Variants in PLCD1 observed in about 807,000 individuals in gnomAD.
PLCD1 encodes 1-phosphatidylinositol 4,5-bisphosphate phosphodiesterase delta-1.
PLCD1 carries 71 observed loss-of-function variants against 87.4 expected under a neutral mutation model. The observed-to-expected ratio is 0.81, with a 90% confidence interval of 0.67 to 0.99. The LOEUF (loss-of-function observed/expected upper bound fraction) is 0.99, where lower values mean the gene tolerates loss of function less well. Among genes scored for constraint, PLCD1 ranks in the 50% least tolerant of loss-of-function variants. The pLI, the probability that PLCD1 is intolerant of heterozygous loss-of-function variation, is 0.00. For synonymous variants in PLCD1, 348 were observed against 399.2 expected (o/e 0.87, Z 1.53); for missense variants, 867 against 1,001.5 (o/e 0.87, Z 1.81).
At position 38,025,308 on chromosome 3, in the gene PLCD1, AC is replaced by A. The variant is rs1223003991; in HGVS notation, c.34+4197del. Among the ~76,000 whole-genome samples, 1 of 152,178 alleles carries A rather than the reference AC, an allele frequency of 6.6e-6. No individual in the cohort carries two copies. The highest frequency in any genetic ancestry group is 1.5e-5 in the Non-Finnish European group (1 of 68,030). ...AGCCGGAGCGGCGAATTCTAACGCC[AC>A]CTTTGAGGCTGGCGCAGAACCGAAG... On this transcript the variant is annotated intron_variant, in intron 1 of 14. Transcript: ENST00000334661. The surrounding 1 kb of genome is among the most constrained non-coding windows in gnomAD (Gnocchi z 4.0).
chr3:38,009,003 CCCT>C, intron 11 of PLCD1, 36 bp downstream of exon 11: 2 of 1,545,458 alleles, frequency 1.3e-6, no homozygotes, highest in Non-Finnish European at 1.8e-6. Context: ...GGGACTGAAA[CCCT>C]CCTCCAGGCC....
chr3:38,024,860 C>G (rs1700290155), intron 1 of PLCD1: 2 of 562,366 alleles, frequency 3.6e-6, no homozygotes, highest in Admixed American at 8.0e-5. Context: ...CTAACGACCC[C>G]TGGAGATGGG....
chr3:38,012,624 C>A (rs1369958675), intron 3 of PLCD1, among the ~76,000 whole-genome samples: 1 of 149,088 alleles, frequency 6.7e-6, no homozygotes, highest in Non-Finnish European at 1.5e-5. Flanking sequence ...TCAAGCAATT[C>A]TCCTGCCCTA....
intron 1 of PLCD1, chr3:38,024,705 C>T (rs539854611): frequency 1.1e-5 from 16 of 1,473,622 alleles, no homozygotes; most frequent in Non-Finnish European, 1.4e-5. Flanking sequence ...GGACCTATGC[C>T]CCCTGAAGGT....
rs1575343565 is a variant in PLCD1 at position 38,007,538 on chromosome 3, T to C, written c.*235A>G. 1.5e-5 allele frequency: 10 copies of C among 675,550 alleles called. No homozygotes were observed. The East Asian group carries it at 2.8e-4, about 19-fold the overall frequency. The allele number at this position is 675,550 out of a possible 1,614,324, so 41.8% of individuals were successfully genotyped here. On this transcript the variant is annotated 3_prime_UTR_variant, in exon 15 of 15. Transcript: ENST00000334661. The stretch of plus-strand genomic sequence containing the variant: ...TTTATAAAAATCCTTGACCACTCGC[T>C]GGCCGGAGGGTGGAGAGGGCTGCAG...
chr3:38,024,492 T>C (rs761842127), intron 1 of PLCD1: 2 of 1,562,476 alleles, frequency 1.3e-6, no homozygotes, highest in Non-Finnish European at 1.7e-6. Context: ...CCGCCTCCAG[T>C]GTTTTATGCT....
At chr3:38,027,484 A>G (rs905123708) in intron 1 of PLCD1, among the ~76,000 whole-genome samples, 2 of 152,262 alleles carry the variant, frequency 1.3e-5, no homozygotes, top group Non-Finnish European at 2.9e-5. Flanking sequence ...TGAGAAAGCC[A>G]AGACTTGAAC....
chr3:38,008,687 A>G (rs767010179), intron 11 of PLCD1, 51 bp from the exon 12 acceptor site: 1 of 1,536,296 alleles, frequency 6.5e-7, no homozygotes, highest in Non-Finnish European at 9.0e-7. Flanking sequence ...CTGGGGCCCT[A>G]GAGCACAGCC....
rs1232577819 is a variant in PLCD1, at chr3:38,016,621, C to T, written c.298G>A (p.Val100Ile). 16 of 1,613,094 alleles carry T rather than the reference C, an allele frequency of 9.9e-6. No individual in the cohort carries two copies. Among genetic ancestry groups the T allele is most frequent in the Non-Finnish European group, 1.4e-5 (16 of 1,179,542 alleles). ...AGTGTATTGCGCTGGTCCTTGAAGA[C>T]AATGGAGAAGCAGCGGTCCTCGGGC... ...DVPEDRCFSI[V>I]FKDQRNTLDL... The change falls in exon 3 of 15, where the codon GTC becomes ATC. Residue 100 changes from valine to isoleucine, a missense_variant. By Grantham distance (29) the Val-to-Ile change is conservative (BLOSUM62 3). Coordinates refer to ENST00000334661, the MANE Select transcript of PLCD1 (RefSeq NM_006225.4).
chr3:38,026,665 A>G (rs1700312990), intron 1 of PLCD1, among the ~76,000 whole-genome samples: 1 of 152,250 alleles, frequency 6.6e-6, no homozygotes, highest in Non-Finnish European at 1.5e-5. Flanking sequence ...CTGGAAGCCC[A>G]GGGGCAGACT....
At chr3:38,024,525 C>CG (rs1353544633) in intron 1 of PLCD1, 6 of 1,521,668 alleles carry the variant, frequency 3.9e-6, no homozygotes, top group Admixed American at 2.0e-5. Context: ...TGCTCTGGTC[C>CG]GGGGGGCGGA....
At chr3:38,012,396 G>A (rs769752352) in intron 3 of PLCD1, among the ~76,000 whole-genome samples, 24 of 151,986 alleles carry the variant, frequency 1.6e-4, no homozygotes, top group African/African-American at 5.3e-4. Context: ...CACGAATCTC[G>A]TGCTTGGCTG....
intron 3 of PLCD1, 25 bp downstream of exon 3, chr3:38,016,466 G>A (rs1484475953): frequency 6.6e-7 from 1 of 1,519,030 alleles, no homozygotes; most frequent in Admixed American, 1.7e-5. Flanking sequence ...AGCCAGGCCT[G>A]GACCCACTGC....
At chr3:38,015,789 G>A (rs1023988207) in intron 3 of PLCD1, among the ~76,000 whole-genome samples, 8 of 152,190 alleles carry the variant, frequency 5.3e-5, no homozygotes, top group Non-Finnish European at 1.0e-4. Flanking sequence ...CCCAAAGAAT[G>A]GCACAGGAGG....
In PLCD1 at chr3:38,020,174, C is replaced by G; in HGVS notation, c.199+14G>C. On this transcript the variant is annotated intron_variant, in intron 2 of 14. Coordinates refer to ENST00000334661, the MANE Select transcript of PLCD1 (RefSeq NM_006225.4). The stretch of plus-strand genomic sequence containing the variant: ...CACACTCTATCCCCTCCCCTGTGAC[C>G]CCAGGGCACTCACACAGCTGGGACT... 2 of 1,611,248 alleles carry G rather than the reference C, an allele frequency of 1.2e-6. No individual in the cohort carries two copies. Among genetic ancestry groups the G allele is most frequent in the Non-Finnish European group, 1.7e-6 (2 of 1,177,756 alleles).
chr3:38,009,479 G>A (rs925589944), intron 9 of PLCD1, 48 bp from the exon 10 acceptor site: 1 of 1,604,690 alleles, frequency 6.2e-7, no homozygotes, highest in Middle Eastern at 1.7e-4. Flanking sequence ...TTGGGGTAGG[G>A]TAGGCACTGA....
At chr3:38,024,808 G>C (rs1300181206) in intron 1 of PLCD1, 2 of 1,149,316 alleles carry the variant, frequency 1.7e-6, no homozygotes. Context: ...AAGGAGGGCA[G>C]AGTCAGACCC....
In PLCD1 at chr3:38,011,324, G is replaced by A; in HGVS notation, c.680C>T (p.Thr227Ile). 1.2e-6 allele frequency: 2 copies of A among 1,612,338 alleles called. No individual in the cohort carries two copies. The highest frequency in any genetic ancestry group is 8.5e-7 in the Non-Finnish European group (1 of 1,180,022). Residue 227 changes from threonine (T) to isoleucine (I), a missense_variant, in exon 5 of 15, where the codon ACT becomes ATT. Physicochemically the swap from Thr to Ile is moderately conservative, Grantham distance 89. Transcript: ENST00000334661. Reference protein sequence around the residue: ...TFAEAAGSGETLSVDQLVTFL... With the variant: ...TFAEAAGSGEILSVDQLVTFL... Reference sequence around the variant, plus strand: ...CGTCACTAACTGATCCACCGACAGAGTCTCCCCTGAGCCCGCGGCCTCGGC... The same window carrying A: ...CGTCACTAACTGATCCACCGACAGAATCTCCCCTGAGCCCGCGGCCTCGGC...
At chr3:38,009,013 G>A in intron 11 of PLCD1, 29 bp downstream of exon 11, 1 of 1,571,452 alleles carries the variant, frequency 6.4e-7, no homozygotes, top group South Asian at 1.1e-5. Context: ...CCCTCCTCCA[G>A]GCCTCCTCCA....
Sources: allele counts gnomAD v4.1 joint callset (sites outside exome capture counted in the v4.1 genomes callset), GRCh38; gene constraint gnomAD v4.1.1; non-coding constraint Gnocchi (gnomAD v3.1); transcripts MANE v1.5; gene names NCBI Gene and HGNC (gene_info 2026-07-23, HGNC 2026-07-21).